Variants in ADGRL2 observed in about 807,000 individuals in gnomAD.
The protein encoded by ADGRL2 is adhesion G protein-coupled receptor L2.
Under a neutral mutation model 157.4 loss-of-function variants are expected in ADGRL2, and 44 were observed. The ratio of observed to expected loss-of-function variants is 0.28; its 90% CI spans 0.22 to 0.36. The LOEUF (loss-of-function observed/expected upper bound fraction) is 0.36. Among genes scored for constraint, ADGRL2 ranks in the 10% least tolerant of loss-of-function variants. The pLI, the probability that ADGRL2 is intolerant of heterozygous loss-of-function variation, is 1.00. For missense variants in ADGRL2, 1,510 were observed against 1,768.9 expected, an observed-to-expected ratio of 0.85 and a Z score of 2.63; for synonymous variants, 585 against 624.7, an observed-to-expected ratio of 0.94 and a Z score of 0.95.
intron 1 of ADGRL2, among the ~76,000 whole-genome samples, chr1:81,757,026 G>A (rs538105114): frequency 7.2e-5 from 11 of 152,176 alleles, no homozygotes; most frequent in Non-Finnish European, 1.3e-4. Flanking sequence ...TTCCTCCAGG[G>A]TGCCATGGAA....
intron 2 of ADGRL2, among the ~76,000 whole-genome samples, chr1:81,484,547 A>G (rs189713108): frequency 2.4e-4 from 37 of 152,328 alleles, no homozygotes; most frequent in African/African-American, 8.9e-4. Context: ...AGTAGCAGAA[A>G]GGGCCACTTT....
chr1:81,534,736 C>A (rs973623024), intron 2 of ADGRL2, among the ~76,000 whole-genome samples: 41 of 152,244 alleles, frequency 2.7e-4, no homozygotes, highest in Non-Finnish European at 5.0e-4. Context: ...CTGGTCCTTC[C>A]ATGTCTATAA....
At chr1:81,460,090 T>C (rs1423551303) in intron 2 of ADGRL2, among the ~76,000 whole-genome samples, 1 of 152,084 alleles carries the variant, frequency 6.6e-6, no homozygotes, top group Non-Finnish European at 1.5e-5. Context: ...ATTTCCCTGC[T>C]GATTAGTGAT....
At chr1:81,607,107 A>G (rs1371094264) in intron 3 of ADGRL2, among the ~76,000 whole-genome samples, 1 of 152,170 alleles carries the variant, frequency 6.6e-6, no homozygotes, top group African/African-American at 2.4e-5. Flanking sequence ...CCTGGTTATA[A>G]TACCCTGGAC....
At chr1:81,644,660 T>C (rs1426789320) in intron 3 of ADGRL2, among the ~76,000 whole-genome samples, 7 of 152,108 alleles carry the variant, frequency 4.6e-5, no homozygotes, top group Non-Finnish European at 1.0e-4. Context: ...TTCAAACCCA[T>C]AGAAGGTACA....
At chr1:81,931,009 C>T (rs919015062) in intron 3 of ADGRL2, among the ~76,000 whole-genome samples, 13 of 152,066 alleles carry the variant, frequency 8.5e-5, no homozygotes, top group African/African-American at 2.4e-4. Context: ...ATTAGCCAGG[C>T]GGCGTGGCAC....
chr1:81,682,929 C>T (rs769201738), intron 3 of ADGRL2, among the ~76,000 whole-genome samples: 66 of 152,164 alleles, frequency 4.3e-4, no homozygotes, highest in Non-Finnish European at 8.5e-4. Flanking sequence ...GTCAGGTGCT[C>T]GAGACCAGCC....
chr1:81,512,152 C>T (rs1196155373), intron 2 of ADGRL2, among the ~76,000 whole-genome samples: 1 of 151,952 alleles, frequency 6.6e-6, no homozygotes, highest in Non-Finnish European at 1.5e-5. Flanking sequence ...AGATGTTTCA[C>T]ATCAATTAAA....
intron 11 of ADGRL2, among the ~76,000 whole-genome samples, chr1:81,957,475 C>T (rs929831770): frequency 6.6e-6 from 1 of 150,696 alleles, no homozygotes; most frequent in African/African-American, 2.4e-5. Flanking sequence ...GAGGCAGGCA[C>T]ATTGCTTGAG....
At chr1:81,338,215 T>G (rs1339014232) in intron 1 of ADGRL2, among the ~76,000 whole-genome samples, 1 of 151,942 alleles carries the variant, frequency 6.6e-6, no homozygotes, top group African/African-American at 2.4e-5. Context: ...ATACAAAAAT[T>G]AGCTGGACTC....
intron 2 of ADGRL2, among the ~76,000 whole-genome samples, chr1:81,472,518 C>G (rs2078192234): frequency 6.6e-6 from 1 of 152,102 alleles, no homozygotes; most frequent in Admixed American, 6.5e-5. Context: ...GTAATCCCAG[C>G]TACTCAGGAG....
chr1:81,903,812 TACACACAC>T (rs66880348), intron 2 of ADGRL2, among the ~76,000 whole-genome samples: 1,501 of 120,502 alleles, frequency 0.012, 27 homozygotes, highest in South Asian at 0.07. Flanking sequence ...ACATTTTATA[TACACACAC>T]ACACACACAC....
intron 2 of ADGRL2, among the ~76,000 whole-genome samples, chr1:81,789,966 T>C (rs759680465): frequency 1.1e-4 from 17 of 152,174 alleles, no homozygotes; most frequent in Non-Finnish European, 2.1e-4. Flanking sequence ...TGGTACTTTT[T>C]AGCATAATGT....
chr1:81,961,729 C>T (rs935609565), intron 11 of ADGRL2, among the ~76,000 whole-genome samples: 12 of 151,914 alleles, frequency 7.9e-5, no homozygotes, highest in African/African-American at 2.4e-5. Flanking sequence ...AGGCAAGTCT[C>T]GAACTCCTGA....
At chr1:81,691,952 A>G (rs2083348515) in intron 3 of ADGRL2, among the ~76,000 whole-genome samples, 1 of 144,888 alleles carries the variant, frequency 6.9e-6, no homozygotes, top group African/African-American at 2.5e-5. Context: ...ATATCTATAT[A>G]CACACACACA....
chr1:81,512,369 A>G (rs2079095694), intron 2 of ADGRL2, among the ~76,000 whole-genome samples: 1 of 152,220 alleles, frequency 6.6e-6, no homozygotes, highest in African/African-American at 2.4e-5. Flanking sequence ...GAGCAGGGAC[A>G]ATATAATTGT....
intron 1 of ADGRL2, among the ~76,000 whole-genome samples, chr1:81,734,086 A>G: frequency 6.6e-6 from 1 of 151,922 alleles, no homozygotes; most frequent in East Asian, 1.9e-4. Flanking sequence ...AGACCAGACT[A>G]ACCAACATGG....
At chr1:81,396,059 A>G (rs1249666721) in intron 1 of ADGRL2, among the ~76,000 whole-genome samples, 1 of 151,990 alleles carries the variant, frequency 6.6e-6, no homozygotes, top group Admixed American at 6.5e-5. Flanking sequence ...TTCCTATGCA[A>G]TGTCATTGCA....
intron 1 of ADGRL2, among the ~76,000 whole-genome samples, chr1:81,801,906 G>A (rs1264145441): frequency 6.6e-6 from 1 of 152,144 alleles, no homozygotes; most frequent in Non-Finnish European, 1.5e-5. Context: ...TGCGGTCTGG[G>A]GGTGTGTGCG....
Sources: gnomAD v4.1 joint callset for allele counts (sites outside exome capture counted in the v4.1 genomes callset) on GRCh38, gnomAD v4.1.1 for gene constraint, MANE v1.5 for transcripts, NCBI Gene and HGNC (gene_info 2026-07-23, HGNC 2026-07-21) for gene names.